The following CEP72 variants were observed in gnomAD, a reference collection of about 807,000 sequenced individuals.
CEP72 encodes the protein centrosomal protein of 72 kDa.
CEP72 carries 78 observed loss-of-function variants against 65.7 expected under a neutral mutation model. The ratio of observed to expected loss-of-function variants is 1.19; its 90% CI spans 0.99 to 1.43. The LOEUF (loss-of-function observed/expected upper bound fraction) is 1.43. Ranked by LOEUF, CEP72 falls within the 40% of genes most tolerant of loss-of-function variation. The probability of loss-of-function intolerance (pLI) is 0.00; values close to 1 mark genes in which losing one functional copy is unlikely to be tolerated. For synonymous variants in CEP72, 358 were observed against 351.7 expected (o/e 1.02, Z -0.20); for missense variants, 914 against 832.9 (o/e 1.10, Z -1.20).
Position 640,536 on chromosome 5 carries a change from C to G in CEP72, c.1471C>G (p.Gln491Glu). 6.2e-7 allele frequency: 1 copy of G among 1,611,818 alleles called. No homozygotes were observed. The change falls in exon 9 of 12, where the codon CAG becomes GAG. Residue 491 changes from glutamine (Q) to glutamate (E), a missense_variant. Physicochemically the swap from Gln to Glu is conservative, Grantham distance 29 (BLOSUM62 2). Coordinates refer to ENST00000264935, the MANE Select transcript of CEP72 (RefSeq NM_018140.4). ...SKSLQSRLAE[Q>E]QQQHAREMSE... is the part of the protein sequence containing the mutation. The stretch of plus-strand genomic sequence containing the variant: ...GTCCCTGCAAAGCCGCCTTGCTGAG[C>G]AGCAGCAGCAGCACGCCCGGGAGAT...
chr5:635,406 G>A lies in CEP72; in HGVS notation c.726G>A (p.Gln242=), dbSNP rs1200238102. The change falls in exon 6 of 12, where the codon CAG becomes CAA. Residue 242 remains glutamine (Q), a synonymous_variant. Transcript: ENST00000264935. ...SRHLLSPQLV[Q]YQCGDSGKQG... Reference sequence around the variant, plus strand: ...ATCTGTTGAGCCCGCAGTTGGTACAGTACCAGTGTGGGGACTCTGGGAAGC... The same window carrying A: ...ATCTGTTGAGCCCGCAGTTGGTACAATACCAGTGTGGGGACTCTGGGAAGC... 2.5e-6 allele frequency: 4 copies of A among 1,613,330 alleles called. No homozygotes were observed. In the Admixed American group the frequency reaches 5.0e-5, roughly 20 times the overall value.
At chr5:616,018 T>C in intron 1 of CEP72, among the ~76,000 whole-genome samples, 1 of 152,232 alleles carries the variant, frequency 6.6e-6, no homozygotes, top group East Asian at 1.9e-4. Flanking sequence ...TTGAGAACCG[T>C]ATTAATATTA....
downstream of CEP72, among the ~76,000 whole-genome samples, chr5:669,076 C>G (rs6893815): frequency 6.6e-6 from 1 of 152,236 alleles, no homozygotes; most frequent in Admixed American, 6.5e-5. Context: ...ACCAAGTGCT[C>G]GGGGTCCCAC....
chr5:653,941 T>A (rs1172938105), downstream of CEP72, among the ~76,000 whole-genome samples: 1 of 152,168 alleles, frequency 6.6e-6, no homozygotes, highest in Admixed American at 6.5e-5. Context: ...AAGAAGAAAA[T>A]GCTCTGTGCT....
At position 637,500 on chromosome 5, in the gene CEP72, T is replaced by C; in HGVS notation, c.905-17T>C. The C allele has an allele frequency of 6.2e-7, 1 of 1,601,946 alleles. No individual in the cohort carries two copies. On this transcript the variant is annotated splice_polypyrimidine_tract_variant and intron_variant, in intron 6 of 11. Coordinates refer to ENST00000264935, the MANE Select transcript of CEP72 (RefSeq NM_018140.4). ...AGAATTTGGCCTGACGTGCGCCCCA[T>C]CCTCTCTATATCTCAGACTCCATGG...
chr5:648,816 T>C (rs1248319966), intron 11 of CEP72, among the ~76,000 whole-genome samples: 38 of 79,394 alleles, frequency 4.8e-4, no homozygotes, highest in South Asian at 3.5e-3. Context: ...GACTGTGAGG[T>C]GTGACTGTGA....
downstream of CEP72, among the ~76,000 whole-genome samples, chr5:657,358 A>C (rs1739406208): frequency 6.6e-6 from 1 of 152,120 alleles, no homozygotes; most frequent in Non-Finnish European, 1.5e-5. Context: ...ATCTCTCTTC[A>C]CGGGTGACAG....
downstream of CEP72, among the ~76,000 whole-genome samples, chr5:657,493 A>G (rs1739409580): frequency 6.6e-6 from 1 of 152,126 alleles, no homozygotes; most frequent in Admixed American, 6.5e-5. Context: ...GATTATAATT[A>G]TTTCTTCCAT....
At chr5:660,985 A>G (rs1739568560), downstream of CEP72, 1 of 152,268 alleles carries the variant, frequency 6.6e-6, no homozygotes, top group African/African-American at 2.4e-5. Context: ...GTATAAATAT[A>G]TATCTTCTAC....
downstream of CEP72, among the ~76,000 whole-genome samples, chr5:658,570 T>C (rs2126843729): frequency 6.7e-6 from 1 of 150,172 alleles, no homozygotes; most frequent in South Asian, 2.2e-4. Flanking sequence ...AAATTACAAA[T>C]AAATATGGGT....
At chr5:637,460 G>A in intron 6 of CEP72, 57 bp from the exon 7 acceptor site, 1 of 1,516,322 alleles carries the variant, frequency 6.6e-7, no homozygotes, top group Admixed American at 1.8e-5. Context: ...TTACAGTGCT[G>A]AACACTGCAC....
intron 4 of CEP72, among the ~76,000 whole-genome samples, chr5:629,666 G>A (rs1256140508): frequency 1.6e-5 from 1 of 63,926 alleles, no homozygotes; most frequent in Non-Finnish European, 2.8e-5. Context: ...ACCCAGTCCT[G>A]GTGGGGTTCT....
chr5:646,274 C>G (rs1028250210), intron 10 of CEP72, among the ~76,000 whole-genome samples: 2 of 152,236 alleles, frequency 1.3e-5, no homozygotes, highest in Non-Finnish European at 2.9e-5. Flanking sequence ...TCAGAACCCT[C>G]TTTTCTGACA....
intron 11 of CEP72, among the ~76,000 whole-genome samples, chr5:649,723 T>A (rs1738809318): frequency 2.2e-5 from 1 of 45,800 alleles, no homozygotes; most frequent in African/African-American, 9.5e-5. Context: ...GGGGTGACCG[T>A]GAGGCGTGGA....
the CEP72 span, among the ~76,000 whole-genome samples, chr5:673,602 C>CG: frequency 1.3e-5 from 2 of 152,196 alleles, no homozygotes; most frequent in Non-Finnish European, 2.9e-5. Context: ...TGCCCAGGAC[C>CG]GGGTCTCAGC....
chr5:622,321 T>A (rs1736445334), intron 3 of CEP72, among the ~76,000 whole-genome samples: 1 of 152,252 alleles, frequency 6.6e-6, no homozygotes, highest in South Asian at 2.1e-4. Flanking sequence ...CTTGAGGAGC[T>A]GACAGTATCC....
chr5:670,229 C>T (rs2126880738), downstream of CEP72, among the ~76,000 whole-genome samples: 1 of 152,282 alleles, frequency 6.6e-6, no homozygotes, highest in South Asian at 2.1e-4. Context: ...GGGCTCGGGA[C>T]TGTGCATCCA....
chr5:640,098 C>T (rs1737902722), intron 8 of CEP72, among the ~76,000 whole-genome samples: 1 of 152,246 alleles, frequency 6.6e-6, no homozygotes. Flanking sequence ...GTGGTTTCCA[C>T]ACAGGGCAGT....
Position 653,054 on chromosome 5 carries a change from C to T in CEP72, c.1845C>T (p.Ala615=), listed in dbSNP as rs754795019. 7.4e-6 allele frequency: 12 copies of T among 1,613,862 alleles called. No individual in the cohort carries two copies. The highest frequency in any genetic ancestry group is 1.1e-5 in the South Asian group (1 of 91,054). The change falls in exon 12 of 12, where the codon GCC becomes GCT. Residue 615 remains alanine (A), a synonymous_variant. Transcript: ENST00000264935. ...GCCAGGTGCGGGCGCAGCACAGAGC[C>T]GAGGTGGAGCAGATGCACTGGAGCT... ...ELSQVRAQHR[A]EVEQMHWSYQ...
Sources: allele counts gnomAD v4.1 joint callset (sites outside exome capture counted in the v4.1 genomes callset), GRCh38; gene constraint gnomAD v4.1.1; transcripts MANE v1.5; gene names NCBI Gene and HGNC (gene_info 2026-07-23, HGNC 2026-07-21).